DBT: variants seen among roughly 807,000 people sequenced by gnomAD.
DBT encodes lipoamide acyltransferase component of branched-chain alpha-keto acid dehydrogenase complex, mitochondrial.
DBT carries 40 observed loss-of-function variants against 51.3 expected under a neutral mutation model. That is an observed-to-expected ratio of 0.78 (90% CI 0.61 to 1.02). The LOEUF is 1.02. DBT is among the 50% of genes least tolerant of loss of function. DBT has a pLI of 0.00. For synonymous variants in DBT, 181 were observed against 190.4 expected, an observed-to-expected ratio of 0.95 and a Z score of 0.41; for missense variants, 510 against 580.2, an observed-to-expected ratio of 0.88 and a Z score of 1.24.
At chr1:100,225,090 C>T (rs1247082405) in intron 4 of DBT, among the ~76,000 whole-genome samples, 2 of 139,104 alleles carry the variant, frequency 1.4e-5, no homozygotes, top group Admixed American at 7.6e-5. Context: ...CACACACACA[C>T]ACACATATAA....
At chr1:100,212,470 A>T (rs974940809) in intron 7 of DBT, among the ~76,000 whole-genome samples, 1 of 152,062 alleles carries the variant, frequency 6.6e-6, no homozygotes, top group Admixed American at 6.5e-5. Context: ...CCAGGAGTTC[A>T]AGGTTGCAGT....
intron 2 of DBT, among the ~76,000 whole-genome samples, chr1:100,239,450 G>A (rs4143056): frequency 0.79 from 120,883 of 152,076 alleles, 49,406 homozygotes; most frequent in East Asian, 0.95. Context: ...AAGTTTACAT[G>A]TCTTAGGCTA....
chr1:100,231,710 GA>G (rs1663563578), intron 3 of DBT, among the ~76,000 whole-genome samples: 1 of 152,182 alleles, frequency 6.6e-6, no homozygotes, highest in African/African-American at 2.4e-5. Context: ...AAAGACATCT[GA>G]AAATCTGCTC....
chr1:100,206,776 A>T (rs955374969), intron 8 of DBT, 140 bp from the exon 9 acceptor site: 2 of 662,574 alleles, frequency 3.0e-6, no homozygotes, highest in Non-Finnish European at 5.3e-6. Flanking sequence ...GAAATAATTT[A>T]AAAATAATTT....
At chr1:100,224,228 C>G (rs1487659558) in intron 4 of DBT, among the ~76,000 whole-genome samples, 1 of 152,100 alleles carries the variant, frequency 6.6e-6, no homozygotes, top group Non-Finnish European at 1.5e-5. Flanking sequence ...ATTTATACTT[C>G]TAGAAGACTT....
At chr1:100,196,541 G>C in intron 10 of DBT, 119 bp from the exon 11 acceptor site, 4 of 1,371,882 alleles carry the variant, frequency 2.9e-6, no homozygotes, top group Non-Finnish European at 3.9e-6. Flanking sequence ...TTCCTGTACA[G>C]TACAGAAAAA....
intron 4 of DBT, among the ~76,000 whole-genome samples, chr1:100,218,998 C>G (rs1408388757): frequency 6.6e-6 from 1 of 151,764 alleles, no homozygotes. Flanking sequence ...ATATGTCACT[C>G]CTGTTGAAAT....
intron 10 of DBT, among the ~76,000 whole-genome samples, chr1:100,205,865 G>T (rs1246279648): frequency 2.0e-5 from 3 of 152,060 alleles, no homozygotes; most frequent in African/African-American, 7.2e-5. Context: ...TCATAAGTGG[G>T]AGTTGAAAAA....
At chr1:100,239,239 A>C (rs1434811764) in intron 2 of DBT, among the ~76,000 whole-genome samples, 1 of 152,222 alleles carries the variant, frequency 6.6e-6, no homozygotes. Flanking sequence ...AAACTTGCTT[A>C]AAGTTACACT....
At chr1:100,196,637 C>G (rs904794819) in intron 10 of DBT, among the ~76,000 whole-genome samples, 9 of 152,126 alleles carry the variant, frequency 5.9e-5, no homozygotes, top group Non-Finnish European at 5.9e-5. Context: ...AGAAGTTCTC[C>G]AAGGTACTTC....
At position 100,216,052 on chromosome 1, in the gene DBT, T is replaced by C. The variant is rs1662462691; in HGVS notation, c.703A>G (p.Met235Val). The change falls in exon 6 of 11, where the codon ATG (methionine) becomes GTG (valine). Residue 235 changes from methionine to valine, a missense_variant. By Grantham distance (21) the Met-to-Val change is conservative (BLOSUM62 1). Transcript: ENST00000370132. Reference protein sequence around the residue: ...IMPPPPKPKDMTVPILVSKPP... With the variant: ...IMPPPPKPKDVTVPILVSKPP... ...TTTGATACTAGTATAGGAACAGTCA[T>C]GTCTTTTGGCTTTGGTGGAGGTGGC... The C allele has an allele frequency of 6.2e-6, 10 of 1,613,730 alleles. No homozygotes were observed. The highest frequency in any genetic ancestry group is 8.5e-6 in the Non-Finnish European group (10 of 1,179,738).
intron 10 of DBT, among the ~76,000 whole-genome samples, chr1:100,202,767 T>C (rs900133932): frequency 5.3e-5 from 8 of 152,302 alleles, no homozygotes; most frequent in Admixed American, 5.2e-4. Flanking sequence ...AACTCAGGGT[T>C]AAGAAACTCA....
chr1:100,249,825 C>A lies in DBT; in HGVS notation c.-5G>T, dbSNP rs751669253. ...CAGCATACGGACTGCAGCCATCTTA[C>A]CCCGGAAATGACAACAGTGCCGCAA... On this transcript the variant is annotated 5_prime_UTR_variant, in exon 1 of 11. Coordinates refer to ENST00000370132, the MANE Select transcript of DBT (RefSeq NM_001918.5). 8.1e-6 allele frequency: 13 copies of A among 1,614,052 alleles called. No individual in the cohort carries two copies. In the South Asian group the frequency reaches 9.9e-5, roughly 12 times the overall value.
At chr1:100,198,363 G>C (rs138837550) in intron 10 of DBT, among the ~76,000 whole-genome samples, 155 of 152,320 alleles carry the variant, frequency 1.0e-3, no homozygotes, top group Non-Finnish European at 1.9e-3. Context: ...TACTCAGTAA[G>C]TGCAGAGTTT....
At chr1:100,229,484 G>A (rs994538390) in intron 4 of DBT, among the ~76,000 whole-genome samples, 3 of 152,000 alleles carry the variant, frequency 2.0e-5, no homozygotes, top group African/African-American at 7.3e-5. Flanking sequence ...CTTTCTAGTT[G>A]GGTTTAGTTT....
In DBT at chr1:100,206,971, C is replaced by G. The variant is rs1006436688; in HGVS notation, c.1018-335G>C. Among the ~76,000 whole-genome samples the G allele has an allele frequency of 1.3e-4, 20 of 151,950 alleles. 1 individual carries two copies. The highest frequency in any genetic ancestry group is 1.0e-4 in the Non-Finnish European group (7 of 67,982). Reference sequence around the variant, plus strand: ...GCACAGGCCTGTGATCCCAGCTACTCGGGAGGCTGAGGCACGAGAATCGCT... The same window carrying G: ...GCACAGGCCTGTGATCCCAGCTACTGGGGAGGCTGAGGCACGAGAATCGCT... On this transcript the variant is annotated intron_variant, in intron 8 of 10. Transcript: ENST00000370132.
At chr1:100,210,904 T>G in intron 7 of DBT, 133 bp from the exon 8 acceptor site, 3 of 1,540,098 alleles carry the variant, frequency 1.9e-6, no homozygotes, top group Non-Finnish European at 2.6e-6. Context: ...CAAGTCTACA[T>G]GTACCTAGTC....
At chr1:100,209,527 C>T (rs1331434374) in intron 8 of DBT, among the ~76,000 whole-genome samples, 1 of 151,992 alleles carries the variant, frequency 6.6e-6, no homozygotes, top group African/African-American at 2.4e-5. Flanking sequence ...TCTAAGCTCA[C>T]TTTCTGGTTG....
At chr1:100,200,217 G>T (rs976381125) in intron 10 of DBT, among the ~76,000 whole-genome samples, 2 of 152,128 alleles carry the variant, frequency 1.3e-5, no homozygotes, top group African/African-American at 2.4e-5. Flanking sequence ...GGAGGTTGGT[G>T]GGGGGAGGGG....
Sources: allele counts gnomAD v4.1 joint callset (sites outside exome capture counted in the v4.1 genomes callset), GRCh38; gene constraint gnomAD v4.1.1; transcripts MANE v1.5; gene names NCBI Gene and HGNC (gene_info 2026-07-23, HGNC 2026-07-21).